RABGAP1L: variants seen among roughly 807,000 people sequenced by gnomAD.
RABGAP1L encodes the protein RAB GTPase activating protein 1 like, also known as rab GTPase-activating protein 1-like.
In RABGAP1L, 63 loss-of-function variants were observed where a neutral mutation model predicts 137.7. The observed-to-expected ratio is 0.46, with a 90% CI of 0.37 to 0.56. The LOEUF (loss-of-function observed/expected upper bound fraction) is 0.56. RABGAP1L is among the 20% of genes least tolerant of loss of function. The pLI, the probability that RABGAP1L is intolerant of heterozygous loss-of-function variation, is 0.00. For synonymous variants in RABGAP1L, 431 were observed against 433.7 expected (o/e 0.99, Z 0.08); for missense variants, 1,095 against 1,244.0 (o/e 0.88, Z 1.80).
intron 1 of RABGAP1L, among the ~76,000 whole-genome samples, chr1:174,170,067 A>G (rs1021959331): frequency 9.9e-5 from 15 of 152,252 alleles, no homozygotes; most frequent in African/African-American, 3.6e-4. Context: ...AAGGGTGGAA[A>G]AAAATACTTA....
intron 1 of RABGAP1L, among the ~76,000 whole-genome samples, chr1:174,163,777 T>G (rs1481825190): frequency 6.6e-6 from 1 of 152,124 alleles, no homozygotes; most frequent in Non-Finnish European, 1.5e-5. Flanking sequence ...AGTTTTTTTT[T>G]TTAATAAAAG....
At chr1:174,212,273 A>G (rs902580937) in intron 1 of RABGAP1L, among the ~76,000 whole-genome samples, 35 of 152,236 alleles carry the variant, frequency 2.3e-4, no homozygotes, top group Non-Finnish European at 4.3e-4. Flanking sequence ...AATATCAAGC[A>G]TTGTCTCTGA....
intron 13 of RABGAP1L, among the ~76,000 whole-genome samples, chr1:174,634,784 C>T (rs1424670438): frequency 6.9e-6 from 1 of 145,044 alleles, no homozygotes; most frequent in Non-Finnish European, 1.5e-5. Context: ...ATTGCAAGAA[C>T]AAAAAAGCAA....
At chr1:174,584,250 T>A (rs1668950531) in intron 13 of RABGAP1L, among the ~76,000 whole-genome samples, 1 of 152,160 alleles carries the variant, frequency 6.6e-6, no homozygotes, top group African/African-American at 2.4e-5. Flanking sequence ...TTTTTGGCAG[T>A]CTGTGGGTAA....
chr1:174,170,838 GAT>G (rs921820171), intron 1 of RABGAP1L, among the ~76,000 whole-genome samples: 1 of 152,038 alleles, frequency 6.6e-6, no homozygotes, highest in Non-Finnish European at 1.5e-5. Context: ...AATCAAAAAA[GAT>G]AAGATGTACA....
intron 11 of RABGAP1L, among the ~76,000 whole-genome samples, chr1:174,364,289 C>G (rs1451119324): frequency 1.0e-5 from 1 of 99,166 alleles, no homozygotes; most frequent in Non-Finnish European, 1.8e-5. Flanking sequence ...GAGTCTCGCT[C>G]TGTCGCCCAG....
chr1:174,475,173 C>T (rs1028291685), intron 13 of RABGAP1L, among the ~76,000 whole-genome samples: 1 of 151,982 alleles, frequency 6.6e-6, no homozygotes, highest in African/African-American at 2.4e-5. Context: ...ATTGCACTTT[C>T]GGGTTTAGTA....
Position 174,221,140 on chromosome 1 carries a change from T to C in RABGAP1L, c.307T>C (p.Leu103=). The change falls in exon 3 of 26, where the codon TTA becomes CTA. Residue 103 remains leucine, a synonymous_variant. Transcript: ENST00000681986. ...CCAAACAAATAAGCCATCTCTTCAG[T>C]TAATTTTGGATCCGTCTAACACAGG... ...ASQTNKPSLQ[L]ILDPSNTEIS... 6.2e-7 allele frequency: 1 copy of C among 1,612,226 alleles called. No individual in the cohort carries two copies. Among genetic ancestry groups the C allele is most frequent in the East Asian group, 2.2e-5 (1 of 44,772 alleles).
chr1:174,176,345 C>T (rs982229444), intron 1 of RABGAP1L, among the ~76,000 whole-genome samples: 8 of 152,166 alleles, frequency 5.3e-5, no homozygotes, highest in East Asian at 1.9e-4. Flanking sequence ...TTTTATAACT[C>T]GTCATTTGTA....
intron 15 of RABGAP1L, among the ~76,000 whole-genome samples, chr1:174,689,273 C>A (rs757468202): frequency 1.6e-4 from 25 of 151,950 alleles, no homozygotes; most frequent in Non-Finnish European, 3.4e-4. Flanking sequence ...CTACCTATTA[C>A]AGATTCCAGA....
intron 10 of RABGAP1L, among the ~76,000 whole-genome samples, chr1:174,287,030 A>T (rs1421454009): frequency 6.6e-6 from 1 of 152,046 alleles, no homozygotes; most frequent in Non-Finnish European, 1.5e-5. Context: ...GATGTTCTTT[A>T]TATGTCTATT....
intron 11 of RABGAP1L, among the ~76,000 whole-genome samples, chr1:174,318,424 G>T (rs1239907312): frequency 6.6e-6 from 1 of 152,090 alleles, no homozygotes; most frequent in Non-Finnish European, 1.5e-5. Context: ...TGAGTCTCTT[G>T]TAGGGAGCTA....
intron 13 of RABGAP1L, among the ~76,000 whole-genome samples, chr1:174,585,761 T>C (rs1001707438): frequency 6.6e-6 from 1 of 152,220 alleles, no homozygotes; most frequent in African/African-American, 2.4e-5. Context: ...AAGTTGTCAA[T>C]ACCTGAGCCT....
chr1:174,842,120 TC>T (rs1178824717), intron 19 of RABGAP1L, among the ~76,000 whole-genome samples: 1 of 152,232 alleles, frequency 6.6e-6, no homozygotes, highest in Non-Finnish European at 1.5e-5. Context: ...TATAGTTTGT[TC>T]ATATAACAAA....
intron 13 of RABGAP1L, among the ~76,000 whole-genome samples, chr1:174,616,180 A>C (rs1351254705): frequency 1.3e-5 from 2 of 152,176 alleles, no homozygotes; most frequent in East Asian, 3.8e-4. Flanking sequence ...CGCTCATGCT[A>C]GGAGCTGTAG....
At chr1:174,618,341 C>T (rs1299811542) in intron 13 of RABGAP1L, among the ~76,000 whole-genome samples, 1 of 152,170 alleles carries the variant, frequency 6.6e-6, no homozygotes, top group Admixed American at 6.5e-5. Flanking sequence ...GACAGACTGC[C>T]TCCTCAAGTG....
intron 13 of RABGAP1L, among the ~76,000 whole-genome samples, chr1:174,611,668 T>C (rs566348698): frequency 2.6e-5 from 4 of 151,658 alleles, no homozygotes; most frequent in East Asian, 3.9e-4. Context: ...TTTCACGATA[T>C]TGATTCTTCC....
chr1:174,896,580 A>G (rs1355194454), intron 19 of RABGAP1L, among the ~76,000 whole-genome samples: 1 of 152,190 alleles, frequency 6.6e-6, no homozygotes, highest in African/African-American at 2.4e-5. Context: ...TATGTCTAAC[A>G]TTTAAGTCTT....
At chr1:174,678,930 G>A (rs546981785) in intron 14 of RABGAP1L, among the ~76,000 whole-genome samples, 1 of 152,360 alleles carries the variant, frequency 6.6e-6, no homozygotes, top group Non-Finnish European at 1.5e-5. Context: ...GTGTGCGACA[G>A]TGGCAAACAG....
Sources: allele counts gnomAD v4.1 joint callset (sites outside exome capture counted in the v4.1 genomes callset), GRCh38; gene constraint gnomAD v4.1.1; transcripts MANE v1.5; gene names NCBI Gene and HGNC (gene_info 2026-07-23, HGNC 2026-07-21).